PDE3A: variants seen among roughly 807,000 people sequenced by gnomAD.
PDE3A encodes phosphodiesterase 3A.
A neutral mutation model predicts 98.3 loss-of-function variants in PDE3A; 43 were observed. That is an observed-to-expected ratio of 0.44 (90% CI 0.34 to 0.56). The LOEUF is 0.56. PDE3A is among the 20% of genes least tolerant of loss of function. The probability of loss-of-function intolerance (pLI) is 0.01; values close to 1 mark genes in which losing one functional copy is unlikely to be tolerated. For synonymous variants in PDE3A, 663 were observed against 567.9 expected, an observed-to-expected ratio of 1.17 and a Z score of -2.38; for missense variants, 1,427 against 1,440.7, an observed-to-expected ratio of 0.99 and a Z score of 0.15.
chr12:20,489,527 A>G (rs948315579), intron 1 of PDE3A, among the ~76,000 whole-genome samples: 2 of 152,236 alleles, frequency 1.3e-5, no homozygotes, highest in African/African-American at 2.4e-5. Flanking sequence ...TATATTCTAT[A>G]TATGAAAGGA....
chr12:20,583,832 A>T (rs575288935), intron 2 of PDE3A, among the ~76,000 whole-genome samples: 7 of 152,280 alleles, frequency 4.6e-5, no homozygotes, highest in African/African-American at 1.7e-4. Flanking sequence ...TAGCCTAGAA[A>T]TAGTAGGAAA....
In PDE3A at chr12:20,686,909, C is replaced by T. The variant is rs1309765217; in HGVS notation, c.*6638C>T. Among the ~76,000 whole-genome samples the T allele has an allele frequency of 6.6e-6, 1 of 152,068 alleles. No homozygotes were observed. Among genetic ancestry groups the T allele is most frequent in the East Asian group, 1.9e-4 (1 of 5,190 alleles). ...ATAAAATTTGCAGGGTATCCCAGGA[C>T]ACCCCTCAGTCTTTAATACAAACCA... On this transcript the variant is annotated 3_prime_UTR_variant, in exon 16 of 16. Transcript: ENST00000359062.
At position 20,680,349 on chromosome 12, in the gene PDE3A, A is replaced by G. The variant is rs1030638744; in HGVS notation, c.*78A>G. On this transcript the variant is annotated 3_prime_UTR_variant, in exon 16 of 16. Coordinates refer to ENST00000359062, the MANE Select transcript of PDE3A (RefSeq NM_000921.5). ...CTTCAAGCCAGCACAACATTTAGAC[A>G]CAACACTGTAGAAATTTGAGATGGG... The G allele has an allele frequency of 1.4e-6, 2 of 1,425,000 alleles. No individual in the cohort carries two copies. The highest frequency in any genetic ancestry group is 2.7e-5 in the South Asian group (2 of 73,466). 88.3% of individuals were successfully genotyped at this position (1,425,000 alleles called of 1,614,324 possible). A position where few individuals can be genotyped will look rare whatever the true frequency, so the allele number is the denominator to read the frequency against.
rs750288734 is a variant in PDE3A at position 20,370,109 on chromosome 12, G to C, written c.825G>C (p.Leu275=). 2 of 1,613,140 alleles carry C rather than the reference G, an allele frequency of 1.2e-6. No individual in the cohort carries two copies. The highest frequency in any genetic ancestry group is 1.1e-5 in the South Asian group (1 of 91,062). Residue 275 remains leucine, a synonymous_variant, in exon 1 of 16, where the codon CTG becomes CTC. Coordinates refer to ENST00000359062, the MANE Select transcript of PDE3A (RefSeq NM_000921.5). ...AAPREHLGSQ[L]IAGTKEDIPV... is the part of the protein sequence containing the mutation. ...CAAGGGAGCATTTGGGGTCCCAGCT[G>C]ATTGCTGGGACCAAGGAAGATATCC... is the stretch of plus-strand genomic sequence containing the variant.
At chr12:20,472,042 C>T (rs1352862799) in intron 1 of PDE3A, among the ~76,000 whole-genome samples, 1 of 152,114 alleles carries the variant, frequency 6.6e-6, no homozygotes, top group East Asian at 1.9e-4. Flanking sequence ...CATCCCCACC[C>T]TCTTAAGGCT....
At chr12:20,387,102 T>C (rs117490091) in intron 1 of PDE3A, among the ~76,000 whole-genome samples, 170 of 152,138 alleles carry the variant, frequency 1.1e-3, no homozygotes, top group Non-Finnish European at 2.0e-3. Flanking sequence ...GTCATATTTC[T>C]GAGTTCTGTA....
intron 10 of PDE3A, among the ~76,000 whole-genome samples, chr12:20,643,821 G>GT (rs1479849617): frequency 2.0e-5 from 3 of 151,706 alleles, no homozygotes; most frequent in African/African-American, 2.4e-5. Context: ...TTTGTTTTTT[G>GT]TTTTTTTGTT....
At chr12:20,520,615 A>G (rs1946403241) in intron 1 of PDE3A, among the ~76,000 whole-genome samples, 1 of 152,204 alleles carries the variant, frequency 6.6e-6, no homozygotes, top group Admixed American at 6.5e-5. Context: ...GTTTTACTGT[A>G]TGCTTATGAA....
chr12:20,501,085 A>C (rs12813387), intron 1 of PDE3A, among the ~76,000 whole-genome samples: 48,828 of 151,980 alleles, frequency 0.32, 8,882 homozygotes, highest in East Asian at 0.59. Context: ...TTATTCTTTC[A>C]CTGTAGAGAA....
chr12:20,574,689 G>A lies in PDE3A; in HGVS notation c.1011+17979G>A, dbSNP rs184727029. On this transcript the variant is annotated intron_variant, in intron 2 of 15. Coordinates refer to ENST00000359062, the MANE Select transcript of PDE3A (RefSeq NM_000921.5). ...AAGTATGCTCAGCATGATGAGCCCA[G>A]GCCTTCTTTTCTCTGATCCTTCAGA... is the stretch of plus-strand genomic sequence containing the variant. 2.7e-4 allele frequency among the ~76,000 whole-genome samples: 41 copies of A among 151,936 alleles called. 1 individual carries two copies. In the East Asian group the frequency reaches 6.8e-3, roughly 25 times the overall value.
intron 1 of PDE3A, among the ~76,000 whole-genome samples, chr12:20,442,105 C>A (rs750356210): frequency 1.3e-5 from 2 of 152,164 alleles, no homozygotes; most frequent in Non-Finnish European, 2.9e-5. Flanking sequence ...CCTTCTTCTT[C>A]ATAAAAATTT....
At chr12:20,569,009 C>G (rs73076978) in intron 2 of PDE3A, among the ~76,000 whole-genome samples, 3,406 of 151,894 alleles carry the variant, frequency 0.022, 52 homozygotes, top group Non-Finnish European at 0.033. Flanking sequence ...TGGCATATGG[C>G]CACCACATTA....
chr12:20,387,812 G>A (rs1943839998), intron 1 of PDE3A, among the ~76,000 whole-genome samples: 1 of 151,974 alleles, frequency 6.6e-6, no homozygotes, highest in Non-Finnish European at 1.5e-5. Context: ...ATTTTAAAAT[G>A]TGTGAAATGA....
intron 2 of PDE3A, among the ~76,000 whole-genome samples, chr12:20,557,962 AC>A (rs1404397701): frequency 1.3e-5 from 2 of 152,148 alleles, no homozygotes. Flanking sequence ...ATGATTCGAA[AC>A]CAGTAAAAAT....
At position 20,621,681 on chromosome 12, in the gene PDE3A, C is replaced by T. The variant is rs117082699; in HGVS notation, c.1540+270C>T. ...TAGATGCATAGGAAATCACTTTTAC[C>T]ATCAAGGATCATCTGTGGTAGCATC... On this transcript the variant is annotated intron_variant, in intron 5 of 15. Coordinates refer to ENST00000359062, the MANE Select transcript of PDE3A (RefSeq NM_000921.5). Among the ~76,000 whole-genome samples the T allele has an allele frequency of 1.2e-3, 181 of 152,084 alleles. 1 individual carries two copies. The East Asian group carries it at 0.031, about 26-fold the overall frequency.
intron 2 of PDE3A, among the ~76,000 whole-genome samples, chr12:20,575,589 T>C (rs1441656288): frequency 6.6e-6 from 1 of 152,040 alleles, no homozygotes; most frequent in East Asian, 1.9e-4. Flanking sequence ...ATCTAACCTA[T>C]TAACACATAA....
chr12:20,667,628 T>C (rs1415291717), intron 15 of PDE3A, among the ~76,000 whole-genome samples: 1 of 152,206 alleles, frequency 6.6e-6, no homozygotes, highest in East Asian at 1.9e-4. Context: ...TTGGTCTATA[T>C]GTCCATTTAT....
Position 20,527,888 on chromosome 12 carries a change from G to C in PDE3A, c.961-28772G>C, listed in dbSNP as rs1363519022. Among the ~76,000 whole-genome samples the C allele has an allele frequency of 2.0e-5, 3 of 147,822 alleles. No individual in the cohort carries two copies. In the Admixed American group the frequency reaches 2.0e-4, roughly 10 times the overall value. On this transcript the variant is annotated intron_variant, in intron 1 of 15. Transcript: ENST00000359062. ...TTGCGGTGGCTAAAATGTAGAAGCA[G>C]ACATTTTATGTGTGTCTGTATAACT...
intron 1 of PDE3A, among the ~76,000 whole-genome samples, chr12:20,428,822 T>C (rs1722264654): frequency 1.3e-5 from 2 of 152,172 alleles, no homozygotes; most frequent in African/African-American, 4.8e-5. Flanking sequence ...CGTACCACTA[T>C]GATTGATAGT....
Sources: allele counts gnomAD v4.1 joint callset (sites outside exome capture counted in the v4.1 genomes callset), GRCh38; gene constraint gnomAD v4.1.1; transcripts MANE v1.5; gene names NCBI Gene and HGNC (gene_info 2026-07-23, HGNC 2026-07-21).